ZFAND6: variants seen among roughly 807,000 people sequenced by gnomAD.
The protein encoded by ZFAND6 is zinc finger AN1-type containing 6.
A neutral mutation model predicts 24.5 loss-of-function variants in ZFAND6; 12 were observed. The ratio of observed to expected loss-of-function variants is 0.49; its 90% confidence interval spans 0.31 to 0.79. ZFAND6 has a LOEUF of 0.79. ZFAND6 is among the 30% of genes least tolerant of loss of function. ZFAND6 has a pLI of 0.04. For synonymous variants in ZFAND6, 92 were observed against 81.5 expected (o/e 1.13, Z -0.69); for missense variants, 207 against 245.9 (o/e 0.84, Z 1.06).
intron 2 of ZFAND6, among the ~76,000 whole-genome samples, chr15:80,119,263 T>C (rs2040037837): frequency 6.6e-6 from 1 of 152,204 alleles, no homozygotes; most frequent in Non-Finnish European, 1.5e-5. Context: ...TCTGTCCTGT[T>C]AGTTTTTAGT....
chr15:80,128,154 G>A (rs1315831518), intron 5 of ZFAND6, among the ~76,000 whole-genome samples: 2 of 152,200 alleles, frequency 1.3e-5, no homozygotes, highest in African/African-American at 2.4e-5. Context: ...AAAGATTAGT[G>A]GTTGCCAGAA....
intron 5 of ZFAND6, 124 bp from the exon 6 acceptor site, chr15:80,131,056 T>C: frequency 1.6e-6 from 1 of 642,090 alleles, no homozygotes; most frequent in Admixed American, 3.1e-5. Flanking sequence ...TGTAATTTAA[T>C]GACTAGTTTT....
chr15:80,063,817 C>G (rs2036465862), intron 1 of ZFAND6, among the ~76,000 whole-genome samples: 1 of 152,138 alleles, frequency 6.6e-6, no homozygotes, highest in Non-Finnish European at 1.5e-5. Context: ...TCCCAAAATG[C>G]TAGGGTTACA....
At chr15:80,073,952 A>G (rs1320013546) in intron 1 of ZFAND6, among the ~76,000 whole-genome samples, 1 of 151,898 alleles carries the variant, frequency 6.6e-6, no homozygotes, top group Non-Finnish European at 1.5e-5. Context: ...TTTAAAAAAG[A>G]TTTCTTTTGG....
At chr15:80,074,674 A>G (rs770204457) in intron 1 of ZFAND6, among the ~76,000 whole-genome samples, 2 of 151,998 alleles carry the variant, frequency 1.3e-5, no homozygotes, top group Non-Finnish European at 2.9e-5. Flanking sequence ...GTTAAAGGTA[A>G]GAACTTAACT....
chr15:80,083,627 G>T (rs1043628966), intron 1 of ZFAND6, among the ~76,000 whole-genome samples: 1 of 152,184 alleles, frequency 6.6e-6, no homozygotes, highest in Non-Finnish European at 1.5e-5. Flanking sequence ...ATGGAAGTTA[G>T]GCTGGGCACA....
chr15:80,068,072 C>T (rs1402925883), intron 1 of ZFAND6, among the ~76,000 whole-genome samples: 1 of 151,474 alleles, frequency 6.6e-6, no homozygotes, highest in African/African-American at 2.4e-5. Flanking sequence ...AGTGATTCTC[C>T]TGCCTCTGCT....
chr15:80,106,199 A>G (rs1030837273), intron 2 of ZFAND6, among the ~76,000 whole-genome samples: 6 of 152,218 alleles, frequency 3.9e-5, no homozygotes, highest in African/African-American at 1.4e-4. Context: ...GAATTTTGCT[A>G]TGTCTTTCCT....
intron 2 of ZFAND6, among the ~76,000 whole-genome samples, chr15:80,102,362 C>T (rs1473941233): frequency 6.6e-6 from 1 of 150,920 alleles, no homozygotes; most frequent in Non-Finnish European, 1.5e-5. Context: ...ACCCGCCTCC[C>T]ACTCGGCCTC....
chr15:80,063,006 C>T (rs2036417063), intron 1 of ZFAND6, among the ~76,000 whole-genome samples: 1 of 152,190 alleles, frequency 6.6e-6, no homozygotes. Context: ...CTTTTCTACT[C>T]TTCTGCTTCA....
intron 2 of ZFAND6, among the ~76,000 whole-genome samples, chr15:80,100,910 T>C (rs1489305746): frequency 6.6e-6 from 1 of 152,188 alleles, no homozygotes; most frequent in African/African-American, 2.4e-5. Flanking sequence ...TGGGCCTCAG[T>C]TGTGTAATCT....
In ZFAND6 at chr15:80,138,280, T is replaced by G. The variant is rs566724651; in HGVS notation, c.*652T>G. 3.9e-5 allele frequency: 6 copies of G among 152,768 alleles called. No individual in the cohort carries two copies. Among genetic ancestry groups the G allele is most frequent in the African/African-American group, 1.4e-4 (6 of 41,582 alleles). 9.5% of individuals were successfully genotyped at this position (152,768 alleles called of 1,614,324 possible). On this transcript the variant is annotated 3_prime_UTR_variant, in exon 7 of 7. Transcript: ENST00000261749. ...TCTACAGGTTTCTTTCAGATTATGT[T>G]CATGGGTTTGTGTGTATACAATATG...
chr15:80,124,242 G>T (rs1185689421), intron 5 of ZFAND6, among the ~76,000 whole-genome samples: 1 of 152,152 alleles, frequency 6.6e-6, no homozygotes, highest in African/African-American at 2.4e-5. Flanking sequence ...GACCATCCTG[G>T]CTAACACGGT....
At chr15:80,077,520 T>C (rs1567055353) in intron 1 of ZFAND6, among the ~76,000 whole-genome samples, 1 of 152,026 alleles carries the variant, frequency 6.6e-6, no homozygotes, top group East Asian at 1.9e-4. Flanking sequence ...TGAAAGCAAC[T>C]TGGTGGTAAA....
At chr15:80,071,533 T>C (rs1158277692) in intron 1 of ZFAND6, among the ~76,000 whole-genome samples, 1 of 152,132 alleles carries the variant, frequency 6.6e-6, no homozygotes, top group Non-Finnish European at 1.5e-5. Flanking sequence ...TATAAACTTA[T>C]CACGTAAAAA....
intron 2 of ZFAND6, among the ~76,000 whole-genome samples, chr15:80,107,403 T>TAG (rs2141967841): frequency 6.6e-6 from 1 of 152,252 alleles, no homozygotes; most frequent in Non-Finnish European, 1.5e-5. Flanking sequence ...ACTGTACTAT[T>TAG]ATAGTATGGT....
intron 5 of ZFAND6, among the ~76,000 whole-genome samples, chr15:80,124,376 T>TGAGCCAA (rs1567094839): frequency 2.0e-5 from 3 of 151,370 alleles, no homozygotes; most frequent in African/African-American, 7.3e-5. Flanking sequence ...GAGCTTGCGG[T>TGAGCCAA]GAGCCGAGAT....
intron 6 of ZFAND6, among the ~76,000 whole-genome samples, chr15:80,135,481 T>C (rs1456625460): frequency 6.6e-6 from 1 of 152,238 alleles, no homozygotes; most frequent in Non-Finnish European, 1.5e-5. Context: ...TCAAAATGTA[T>C]TGTTTACCAT....
chr15:80,063,949 A>C (rs1777780302), intron 1 of ZFAND6, among the ~76,000 whole-genome samples: 1 of 152,192 alleles, frequency 6.6e-6, no homozygotes, highest in Admixed American at 6.5e-5. Flanking sequence ...TGGCCTCCCA[A>C]AGTGCTGGGA....
Sources: gnomAD v4.1 joint callset for allele counts (sites outside exome capture counted in the v4.1 genomes callset) on GRCh38, gnomAD v4.1.1 for gene constraint, MANE v1.5 for transcripts, NCBI Gene and HGNC (gene_info 2026-07-23, HGNC 2026-07-21) for gene names.